The following GRIA2 variants were observed in gnomAD, a reference collection of about 807,000 sequenced individuals.
The protein encoded by GRIA2 is glutamate receptor 2.
A neutral mutation model predicts 97.3 loss-of-function variants in GRIA2; 14 were observed. The ratio of observed to expected loss-of-function variants is 0.14; its 90% CI spans 0.10 to 0.23. The LOEUF (loss-of-function observed/expected upper bound fraction) is 0.23, where lower values mean the gene tolerates loss of function less well. GRIA2 is among the 10% of genes least tolerant of loss of function. The pLI, the probability that GRIA2 is intolerant of heterozygous loss-of-function variation, is 1.00. For missense variants in GRIA2, 558 were observed against 1,069.8 expected (o/e 0.52, Z 6.67); for synonymous variants, 412 against 387.8 (o/e 1.06, Z -0.73).
intron 2 of GRIA2, among the ~76,000 whole-genome samples, chr4:157,272,893 T>C (rs1429682777): frequency 6.6e-6 from 1 of 152,032 alleles, no homozygotes; most frequent in African/African-American, 2.4e-5. Context: ...CACTAAAAGA[T>C]GGAGATCTAA....
Position 157,317,661 on chromosome 4 carries a change from A to T in GRIA2, c.670A>T (p.Ile224Phe). 1 of 1,129,144 alleles carries T rather than the reference A, an allele frequency of 8.9e-7. No homozygotes were observed. The highest frequency in any genetic ancestry group is 1.3e-6 in the Non-Finnish European group (1 of 748,208). 69.9% of individuals were successfully genotyped at this position (1,129,144 alleles called of 1,614,324 possible). Residue 224 changes from isoleucine (I) to phenylalanine (F), a missense_variant, in exon 5 of 16, where the codon ATT becomes TTT. By Grantham distance (21) the Ile-to-Phe change is conservative. Coordinates refer to ENST00000264426, the MANE Select transcript of GRIA2 (RefSeq NM_001083619.3). The stretch of plus-strand genomic sequence containing the variant: ...ATTACTTATTTGTGCTTATTAGGTT[A>T]TTACCATTGGAAAACATGTTAAAGG... ...DKVNDIVDQVITIGKHVKGYH... is the reference protein window; with the variant it reads ...DKVNDIVDQVFTIGKHVKGYH...
At chr4:157,278,475 A>G (rs1732449084) in intron 2 of GRIA2, among the ~76,000 whole-genome samples, 3 of 151,992 alleles carry the variant, frequency 2.0e-5, no homozygotes, top group Non-Finnish European at 2.9e-5. Flanking sequence ...ATTAACTCAA[A>G]AGGGAGCATA....
chr4:157,330,440 A>G (rs1734999783), intron 6 of GRIA2, among the ~76,000 whole-genome samples: 1 of 151,938 alleles, frequency 6.6e-6, no homozygotes, highest in Non-Finnish European at 1.5e-5. Context: ...ATGTTTAGAA[A>G]AAGGTGCCCG....
chr4:157,355,539 A>AC, intron 12 of GRIA2, among the ~76,000 whole-genome samples: 1 of 145,584 alleles, frequency 6.9e-6, no homozygotes, highest in South Asian at 2.1e-4. Flanking sequence ...AAAAAAAAAA[A>AC]ATACACAGTC....
At chr4:157,300,027 C>G (rs1733545228) in intron 2 of GRIA2, among the ~76,000 whole-genome samples, 1 of 151,332 alleles carries the variant, frequency 6.6e-6, no homozygotes, top group Admixed American at 6.6e-5. Context: ...TATTGTATAA[C>G]TCATTTTAGA....
chr4:157,340,607 C>T (rs547492026), intron 11 of GRIA2, among the ~76,000 whole-genome samples: 1 of 151,782 alleles, frequency 6.6e-6, no homozygotes, highest in Admixed American at 6.6e-5. Flanking sequence ...CATAAAGGAA[C>T]AGGGTCATAG....
At chr4:157,305,647 C>A (rs902012999) in intron 3 of GRIA2, among the ~76,000 whole-genome samples, 5 of 152,084 alleles carry the variant, frequency 3.3e-5, no homozygotes, top group African/African-American at 1.2e-4. Flanking sequence ...CACTTCAAAT[C>A]TCTGCCTGTA....
chr4:157,286,349 T>C (rs1732845958), intron 2 of GRIA2, among the ~76,000 whole-genome samples: 1 of 151,564 alleles, frequency 6.6e-6, no homozygotes, highest in Non-Finnish European at 1.5e-5. Flanking sequence ...TATCAAATTT[T>C]TCTGTGATCT....
Position 157,332,923 on chromosome 4 carries a change from C to A in GRIA2, c.987C>A (p.Asp329Glu). The change falls in exon 7 of 16, where the codon GAC becomes GAA. Residue 329 changes from aspartate to glutamate, a missense_variant. Around this residue, in one of 8 missense-constraint regions of GRIA2, gnomAD observed 66 missense variants for 118.7 expected, o/e 0.56. Transcript: ENST00000264426. Reference protein sequence around the residue: ...IEISRRGNAGDCLANPAVPWG... With the variant: ...IEISRRGNAGECLANPAVPWG... Reference sequence around the variant, plus strand: ...TCTCCCGAAGGGGGAATGCAGGAGACTGTCTGGCAAACCCAGCAGTGCCCT... The same window carrying A: ...TCTCCCGAAGGGGGAATGCAGGAGAATGTCTGGCAAACCCAGCAGTGCCCT... The A allele has an allele frequency of 6.2e-7, 1 of 1,612,602 alleles. No homozygotes were observed. The highest frequency in any genetic ancestry group is 8.5e-7 in the Non-Finnish European group (1 of 1,179,010).
At chr4:157,344,043 G>A (rs2126957323) in intron 12 of GRIA2, among the ~76,000 whole-genome samples, 2 of 152,096 alleles carry the variant, frequency 1.3e-5, no homozygotes, top group South Asian at 2.1e-4. Context: ...TTCACACAGA[G>A]TTACTGAATT....
intron 6 of GRIA2, among the ~76,000 whole-genome samples, chr4:157,327,886 T>C (rs191603517): frequency 2.0e-5 from 3 of 152,228 alleles, no homozygotes; most frequent in Admixed American, 2.0e-4. Context: ...GTGTCATGCA[T>C]TAAATTGTAC....
chr4:157,302,775 T>C (rs1438935196), intron 2 of GRIA2, among the ~76,000 whole-genome samples: 1 of 152,132 alleles, frequency 6.6e-6, no homozygotes, highest in Non-Finnish European at 1.5e-5. Context: ...ATGGACTGAC[T>C]TTTGGGGGAA....
At chr4:157,298,712 G>A (rs1733474225) in intron 2 of GRIA2, among the ~76,000 whole-genome samples, 1 of 132,720 alleles carries the variant, frequency 7.5e-6, no homozygotes, top group African/African-American at 2.8e-5. Flanking sequence ...CCAAAACATA[G>A]TAGATAAAAT....
intron 2 of GRIA2, among the ~76,000 whole-genome samples, chr4:157,294,824 CTCTTTA>C (rs1487378268): frequency 6.6e-6 from 1 of 152,084 alleles, no homozygotes; most frequent in East Asian, 1.9e-4. Flanking sequence ...CAGCCTGGCA[CTCTTTA>C]TCCACAATAT....
intron 2 of GRIA2, among the ~76,000 whole-genome samples, chr4:157,248,387 T>C (rs1730828843): frequency 6.7e-6 from 1 of 149,910 alleles, no homozygotes; most frequent in South Asian, 2.1e-4. Context: ...AAGCTTGTAT[T>C]TAAATAATTA....
At chr4:157,299,165 A>C (rs2126855490) in intron 2 of GRIA2, among the ~76,000 whole-genome samples, 1 of 152,222 alleles carries the variant, frequency 6.6e-6, no homozygotes, top group East Asian at 1.9e-4. Flanking sequence ...TGGTCTAATA[A>C]ATTCAGAGAA....
chr4:157,262,133 T>C (rs1278475814), intron 2 of GRIA2, among the ~76,000 whole-genome samples: 2 of 152,092 alleles, frequency 1.3e-5, no homozygotes, highest in African/African-American at 4.8e-5. Context: ...GTCTTCTATA[T>C]TTTGGTCCTA....
At chr4:157,303,301 G>T (rs1292892313) in intron 2 of GRIA2, among the ~76,000 whole-genome samples, 18 of 151,968 alleles carry the variant, frequency 1.2e-4, no homozygotes, top group Non-Finnish European at 2.9e-5. Flanking sequence ...TACTTACATA[G>T]CTTGTTAAAC....
chr4:157,235,835 T>G (rs1482700067), intron 2 of GRIA2, among the ~76,000 whole-genome samples: 2 of 152,044 alleles, frequency 1.3e-5, no homozygotes, highest in African/African-American at 2.4e-5. Context: ...TTATGGGGAT[T>G]AACTAATTAA....
Sources: allele counts gnomAD v4.1 joint callset (sites outside exome capture counted in the v4.1 genomes callset), GRCh38; gene constraint gnomAD v4.1.1; regional missense constraint gnomAD v4.1.1; transcripts MANE v1.5; gene names NCBI Gene and HGNC (gene_info 2026-07-23, HGNC 2026-07-21).